RPN2: variants seen among roughly 807,000 people sequenced by gnomAD.
The protein encoded by RPN2 is ribophorin II.
In RPN2, 29 loss-of-function variants were observed where a neutral mutation model predicts 71.4. The observed-to-expected ratio is 0.41, with a 90% CI of 0.30 to 0.55. RPN2 has a LOEUF of 0.55. Ranked by LOEUF, RPN2 falls within the 20% of genes least tolerant of loss-of-function variation. The pLI is 0.35. For missense variants in RPN2, 726 were observed against 774.1 expected, an observed-to-expected ratio of 0.94 and a Z score of 0.74; for synonymous variants, 308 against 305.0, an observed-to-expected ratio of 1.01 and a Z score of -0.10.
intron 12 of RPN2, among the ~76,000 whole-genome samples, chr20:37,229,649 C>T (rs2068183229): frequency 6.6e-6 from 1 of 152,212 alleles, no homozygotes. Flanking sequence ...GACTAAATCA[C>T]ACTTCCCAGG....
At chr20:37,237,523 G>A (rs1025291064) in intron 16 of RPN2, among the ~76,000 whole-genome samples, 1 of 152,326 alleles carries the variant, frequency 6.6e-6, no homozygotes, top group Admixed American at 6.5e-5. Flanking sequence ...CAGTTAGGGT[G>A]CTGGGATCAG....
chr20:37,232,885 G>A (rs2068289310), intron 14 of RPN2, among the ~76,000 whole-genome samples: 1 of 152,172 alleles, frequency 6.6e-6, no homozygotes, highest in Admixed American at 6.5e-5. Flanking sequence ...AAAAGGCAAG[G>A]GGTAGGGTAG....
At chr20:37,181,001 C>T (rs970454888) in intron 1 of RPN2, among the ~76,000 whole-genome samples, 17 of 152,172 alleles carry the variant, frequency 1.1e-4, no homozygotes, top group Admixed American at 6.5e-4. Context: ...GAGGCTGAGG[C>T]GGGCGGATCA....
intron 11 of RPN2, 136 bp from the exon 12 acceptor site, chr20:37,228,414 G>C: frequency 1.2e-6 from 1 of 815,154 alleles, no homozygotes; most frequent in Non-Finnish European, 2.1e-6. Flanking sequence ...CTACTCTCTG[G>C]GGCAGGTCTG....
intron 2 of RPN2, among the ~76,000 whole-genome samples, chr20:37,196,174 T>G (rs1468718555): frequency 6.7e-6 from 1 of 148,896 alleles, no homozygotes; most frequent in Non-Finnish European, 1.5e-5. Flanking sequence ...ATTCTCCTGC[T>G]TCAGCCTCCT....
intron 8 of RPN2, among the ~76,000 whole-genome samples, chr20:37,211,411 G>A (rs2067662107): frequency 1.3e-5 from 2 of 150,726 alleles, no homozygotes; most frequent in African/African-American, 4.8e-5. Flanking sequence ...GGCCAAGGTG[G>A]GCGGATCACT....
chr20:37,223,975 T>C lies in RPN2; in HGVS notation c.1184+6T>C. The C allele has an allele frequency of 1.2e-6, 2 of 1,612,666 alleles. No homozygotes were observed. Among genetic ancestry groups the C allele is most frequent in the Non-Finnish European group, 1.7e-6 (2 of 1,178,770 alleles). On this transcript the variant is annotated splice_donor_region_variant and intron_variant, in intron 10 of 16. Transcript: ENST00000237530. Reference sequence around the variant, plus strand: ...ATTGCACCCAAAACTACCCGGTAGGTGAGATGCCACCTGATCACTCAGGGA... The same window carrying C: ...ATTGCACCCAAAACTACCCGGTAGGCGAGATGCCACCTGATCACTCAGGGA...
intron 16 of RPN2, chr20:37,238,524 T>G: frequency 9.4e-7 from 1 of 1,060,926 alleles, no homozygotes; most frequent in Middle Eastern, 2.1e-4. Flanking sequence ...ATGTCAGTTA[T>G]CTCTCTAGTT....
intron 11 of RPN2, among the ~76,000 whole-genome samples, chr20:37,226,896 G>A (rs897410768): frequency 5.9e-5 from 9 of 152,166 alleles, no homozygotes; most frequent in African/African-American, 1.4e-4. Context: ...ACAGGAATGC[G>A]GGACCTAGTT....
intron 8 of RPN2, among the ~76,000 whole-genome samples, chr20:37,211,539 G>T (rs906522250): frequency 1.3e-5 from 2 of 151,102 alleles, no homozygotes; most frequent in Admixed American, 6.6e-5. Context: ...TACTCCGGAG[G>T]CTGAGGCAAG....
At chr20:37,192,269 C>T (rs541093724) in intron 2 of RPN2, among the ~76,000 whole-genome samples, 1 of 152,194 alleles carries the variant, frequency 6.6e-6, no homozygotes, top group Admixed American at 6.5e-5. Flanking sequence ...CTGGGGATAG[C>T]AGAGAATGAG....
chr20:37,199,340 TC>T, intron 4 of RPN2, 115 bp downstream of exon 4: 2 of 1,320,202 alleles, frequency 1.5e-6, no homozygotes, highest in Non-Finnish European at 2.1e-6. Context: ...AGTAAATACT[TC>T]CGTGTGCCAG....
At chr20:37,200,562 G>GT (rs974184992) in intron 4 of RPN2, 38 of 510,826 alleles carry the variant, frequency 7.4e-5, no homozygotes, top group Admixed American at 3.9e-4. Context: ...TTTGTTTTTT[G>GT]TTTTTTTGCT....
chr20:37,185,810 C>A (rs1299335931), intron 2 of RPN2, among the ~76,000 whole-genome samples: 1 of 152,202 alleles, frequency 6.6e-6, no homozygotes. Context: ...GATAATCCTG[C>A]AGGTCAGAAG....
At chr20:37,179,728 C>T in intron 1 of RPN2, 1 of 234,448 alleles carries the variant, frequency 4.3e-6, no homozygotes, top group East Asian at 8.7e-5. Context: ...CTGCCCCTTA[C>T]TCCGTGTGAG....
intron 13 of RPN2, among the ~76,000 whole-genome samples, chr20:37,231,639 G>A (rs2068250313): frequency 6.6e-6 from 1 of 151,610 alleles, no homozygotes; most frequent in South Asian, 2.1e-4. Flanking sequence ...TTGAGCCCAG[G>A]TGTATGAGGT....
chr20:37,232,277 T>A lies in RPN2; in HGVS notation c.1582-19T>A. On this transcript the variant is annotated intron_variant, in intron 13 of 16. Transcript: ENST00000237530. Reference sequence around the variant, plus strand: ...GGGAAGGGCACATTCTTAAGTCTTCTTGGTGTGTCTTTCGGCAGCACCTGT... The same window carrying A: ...GGGAAGGGCACATTCTTAAGTCTTCATGGTGTGTCTTTCGGCAGCACCTGT... The A allele has an allele frequency of 6.2e-7, 1 of 1,614,176 alleles. No homozygotes were observed. The highest frequency in any genetic ancestry group is 8.5e-7 in the Non-Finnish European group (1 of 1,179,984).
intron 9 of RPN2, 115 bp downstream of exon 9, chr20:37,213,980 G>A: frequency 1.2e-6 from 1 of 805,446 alleles, no homozygotes; most frequent in Non-Finnish European, 2.1e-6. Flanking sequence ...AAGCTAATGT[G>A]TTTATGTGGA....
At chr20:37,225,285 C>T (rs2068050384) in intron 10 of RPN2, among the ~76,000 whole-genome samples, 1 of 152,156 alleles carries the variant, frequency 6.6e-6, no homozygotes, top group African/African-American at 2.4e-5. Flanking sequence ...CGATTTTGCT[C>T]ACGTGTGCTG....
Sources: allele counts gnomAD v4.1 joint callset (sites outside exome capture counted in the v4.1 genomes callset), GRCh38; gene constraint gnomAD v4.1.1; transcripts MANE v1.5; gene names NCBI Gene and HGNC (gene_info 2026-07-23, HGNC 2026-07-21).